The following CSMD1 variants were observed in gnomAD, a reference collection of about 807,000 sequenced individuals.
CSMD1 encodes CUB and Sushi multiple domains 1.
In CSMD1, 213 loss-of-function variants were observed where a neutral mutation model predicts 417.5. The ratio of observed to expected loss-of-function variants is 0.51; its 90% confidence interval spans 0.46 to 0.57. CSMD1 has a LOEUF of 0.57. CSMD1 is among the 20% of genes least tolerant of loss of function. The pLI, the probability that CSMD1 is intolerant of heterozygous loss-of-function variation, is 0.00. For missense variants in CSMD1, 6,923 were observed against 4,529.7 expected, an observed-to-expected ratio of 1.53 and a Z score of -15.17; for synonymous variants, 2,862 against 1,736.8, an observed-to-expected ratio of 1.65 and a Z score of -16.11.
chr8:4,641,323 G>T (rs1803175851), intron 1 of CSMD1, among the ~76,000 whole-genome samples: 1 of 152,038 alleles, frequency 6.6e-6, no homozygotes, highest in African/African-American at 2.4e-5. Flanking sequence ...CCTATCTAAA[G>T]TAATCAGCAG....
chr8:3,456,518 C>T (rs888400229), intron 12 of CSMD1, among the ~76,000 whole-genome samples: 1 of 152,108 alleles, frequency 6.6e-6, no homozygotes, highest in Non-Finnish European at 1.5e-5. Context: ...TCACCATGTG[C>T]TTTGTGGTTA....
At chr8:3,815,002 T>C (rs912267631) in intron 5 of CSMD1, among the ~76,000 whole-genome samples, 8 of 152,180 alleles carry the variant, frequency 5.3e-5, no homozygotes, top group Non-Finnish European at 8.8e-5. Flanking sequence ...TAAATTACAA[T>C]AGTTACATAG....
chr8:4,211,839 G>A (rs2131289665), intron 3 of CSMD1, among the ~76,000 whole-genome samples: 1 of 152,232 alleles, frequency 6.6e-6, no homozygotes, highest in East Asian at 1.9e-4. Context: ...GAGTCTTTGA[G>A]GGTGAGAAAA....
At chr8:3,005,087 C>T (rs925083240) in intron 52 of CSMD1, among the ~76,000 whole-genome samples, 53 of 152,056 alleles carry the variant, frequency 3.5e-4, no homozygotes, top group African/African-American at 1.3e-3. Flanking sequence ...TGCAGTGAGC[C>T]GAGATTGCAC....
At chr8:4,057,547 A>C (rs1310148869) in intron 3 of CSMD1, among the ~76,000 whole-genome samples, 1 of 151,870 alleles carries the variant, frequency 6.6e-6, no homozygotes, top group African/African-American at 2.4e-5. Context: ...ATTAGATCCC[A>C]TTTGTCAATT....
At chr8:4,316,463 T>C (rs993566809) in intron 3 of CSMD1, among the ~76,000 whole-genome samples, 24 of 152,198 alleles carry the variant, frequency 1.6e-4, no homozygotes, top group Admixed American at 9.2e-4. Flanking sequence ...GCCATTACTT[T>C]CGATGCTGAA....
At chr8:3,988,953 T>C (rs956100416) in intron 5 of CSMD1, among the ~76,000 whole-genome samples, 1 of 152,178 alleles carries the variant, frequency 6.6e-6, no homozygotes, top group Non-Finnish European at 1.5e-5. Context: ...ACTCAAAAAA[T>C]TTGAAGGTTA....
intron 26 of CSMD1, among the ~76,000 whole-genome samples, chr8:3,236,309 C>T (rs557697998): frequency 6.6e-6 from 1 of 152,008 alleles, no homozygotes. Flanking sequence ...TTAAAATTGC[C>T]ATAAACTACT....
intron 3 of CSMD1, among the ~76,000 whole-genome samples, chr8:4,169,209 A>G (rs1714740): frequency 1 from 152,069 of 152,228 alleles, 75,955 homozygotes; most frequent in Middle Eastern, 1. Flanking sequence ...TCACCAACAC[A>G]TGTCTGAGCA....
At chr8:4,086,180 T>G (rs1800409291) in intron 3 of CSMD1, among the ~76,000 whole-genome samples, 1 of 152,184 alleles carries the variant, frequency 6.6e-6, no homozygotes, top group South Asian at 2.1e-4. Context: ...AGTAATTTAC[T>G]CAATAATAAA....
chr8:4,793,207 G>T lies in CSMD1; in HGVS notation c.86-155649C>A, dbSNP rs560952180. Among the ~76,000 whole-genome samples the T allele has an allele frequency of 2.0e-5, 3 of 152,100 alleles. No individual in the cohort carries two copies. In the South Asian group the frequency reaches 6.2e-4, roughly 32 times the overall value. On this transcript the variant is annotated intron_variant, in intron 1 of 69. Transcript: ENST00000635120. ...AATTATGAGTAAATAAAAATTAATTGCAGCACAAGACATGATCATGAGTTA... is the reference window on the plus strand; with the variant it reads ...AATTATGAGTAAATAAAAATTAATTTCAGCACAAGACATGATCATGAGTTA...
intron 1 of CSMD1, among the ~76,000 whole-genome samples, chr8:4,851,785 C>G (rs1454715437): frequency 6.6e-6 from 1 of 152,142 alleles, no homozygotes; most frequent in Admixed American, 6.5e-5. Context: ...ACTTTTAAGT[C>G]ACCCTCCCCT....
chr8:4,796,001 A>T (rs755159011), intron 1 of CSMD1, among the ~76,000 whole-genome samples: 1 of 152,200 alleles, frequency 6.6e-6, no homozygotes, highest in Non-Finnish European at 1.5e-5. Flanking sequence ...TAAAGCAAAG[A>T]AACAAATACA....
rs759144707 is a variant in CSMD1, at chr8:3,108,666, G to T, written c.6691C>A (p.Gln2231Lys). ...TCGCTGTGGAACTTGAGCAGGACTTGGTTGGTGGAGCTATACGCCGTTTCG... is the reference window on the plus strand; with the variant it reads ...TCGCTGTGGAACTTGAGCAGGACTTTGTTGGTGGAGCTATACGCCGTTTCG... ...ALETAYSSTN[Q>K]VLLKFHSDFS... Residue 2231 changes from glutamine to lysine, a missense_variant, in exon 44 of 70, where the codon CAA (glutamine) becomes AAA (lysine). Transcript: ENST00000635120. 1.2e-6 allele frequency: 2 copies of T among 1,613,782 alleles called. No homozygotes were observed. The highest frequency in any genetic ancestry group is 1.1e-5 in the South Asian group (1 of 91,010).
At chr8:4,127,828 T>A (rs987544690) in intron 3 of CSMD1, among the ~76,000 whole-genome samples, 1 of 152,198 alleles carries the variant, frequency 6.6e-6, no homozygotes, top group Admixed American at 6.5e-5. Context: ...TTTATCATTC[T>A]TATTATTATT....
chr8:3,351,320 T>C (rs1347859960), intron 21 of CSMD1, among the ~76,000 whole-genome samples: 1 of 152,118 alleles, frequency 6.6e-6, no homozygotes. Context: ...TATGAAAGTA[T>C]ACAAACTTGG....
intron 3 of CSMD1, among the ~76,000 whole-genome samples, chr8:4,047,935 C>G (rs1798233086): frequency 1.3e-5 from 2 of 152,048 alleles, no homozygotes; most frequent in Admixed American, 1.3e-4. Context: ...GGATTGTTTT[C>G]CCAAAAATAT....
At chr8:4,827,036 C>T (rs1231581360) in intron 1 of CSMD1, among the ~76,000 whole-genome samples, 1 of 151,958 alleles carries the variant, frequency 6.6e-6, no homozygotes, top group Non-Finnish European at 1.5e-5. Flanking sequence ...TGTTTGTATC[C>T]ATGGATGGCT....
intron 3 of CSMD1, among the ~76,000 whole-genome samples, chr8:4,138,894 A>C (rs1044410929): frequency 9.9e-5 from 15 of 152,198 alleles, no homozygotes; most frequent in African/African-American, 3.6e-4. Flanking sequence ...TATATTTAAT[A>C]CAAATAATTT....
Sources: allele counts gnomAD v4.1 joint callset (sites outside exome capture counted in the v4.1 genomes callset), GRCh38; gene constraint gnomAD v4.1.1; transcripts MANE v1.5; gene names NCBI Gene and HGNC (gene_info 2026-07-23, HGNC 2026-07-21).